The following PPM1F variants were observed in gnomAD, a reference collection of about 807,000 sequenced individuals.
The protein encoded by PPM1F is protein phosphatase, Mg2+/Mn2+ dependent 1F.
In PPM1F, 17 loss-of-function variants were observed where a neutral mutation model predicts 35.5. The ratio of observed to expected loss-of-function variants is 0.48; its 90% CI spans 0.33 to 0.72. The LOEUF is 0.72. Among genes scored for constraint, PPM1F ranks in the 30% least tolerant of loss-of-function variants. The pLI is 0.02. For synonymous variants in PPM1F, 241 were observed against 255.5 expected, an observed-to-expected ratio of 0.94 and a Z score of 0.54; for missense variants, 521 against 613.0, an observed-to-expected ratio of 0.85 and a Z score of 1.59.
rs552980753 is a variant in PPM1F at position 21,920,016 on chromosome 22, C to G, written c.*3076G>C. On this transcript the variant is annotated 3_prime_UTR_variant, in exon 8 of 8. Coordinates refer to ENST00000263212, the MANE Select transcript of PPM1F (RefSeq NM_014634.4). ...TGGGATTCTGAGGGACTGCCCTCCA[C>G]CCCTGCAGGCCTGGGCTCAGAGTCA... 6.6e-5 allele frequency: 10 copies of G among 152,476 alleles called. No homozygotes were observed. The highest frequency in any genetic ancestry group is 5.9e-4 in the Admixed American group (9 of 15,306). 9.4% of individuals were successfully genotyped at this position (152,476 alleles called of 1,614,324 possible). A position where few individuals can be genotyped will look rare whatever the true frequency, so the allele number is the denominator to read the frequency against.
At chr22:21,935,479 T>C (rs921286293) in intron 3 of PPM1F, 5 of 152,162 alleles carry the variant, frequency 3.3e-5, no homozygotes, top group Non-Finnish European at 7.3e-5. Context: ...AATGTTACCA[T>C]TGGAGGAAAC....
rs932561759 is a variant in PPM1F, at chr22:21,920,743, T to A, written c.*2349A>T. On this transcript the variant is annotated 3_prime_UTR_variant, in exon 8 of 8. Coordinates refer to ENST00000263212, the MANE Select transcript of PPM1F (RefSeq NM_014634.4). ...GTGGAGCCTCAGGCTAGGGTATGAA[T>A]CAGACCACCAGGTGATAGGAGCCAA... 1.3e-5 allele frequency: 2 copies of A among 152,160 alleles called. No homozygotes were observed. Among genetic ancestry groups the A allele is most frequent in the African/African-American group, 4.8e-5 (2 of 41,418 alleles). The allele number at this position is 152,160 out of a possible 1,614,324, so 9.4% of individuals were successfully genotyped here. A position where few individuals can be genotyped will look rare whatever the true frequency, so the allele number is the denominator to read the frequency against.
rs189969314 is a variant in PPM1F at position 21,945,881 on chromosome 22, G to A, written c.168C>T (p.Gly56=). The stretch of plus-strand genomic sequence containing the variant: ...AGCCCATGGCCAGCTCAGCCAGCTC[G>A]CCCTCCACCTCCTCCTGGCTGAGCA... The part of the protein sequence containing the change: ...GTVLSQEEVE[G]ELAELAMGFL... Residue 56 remains glycine, a synonymous_variant, in exon 2 of 8, where the codon GGC becomes GGT. Transcript: ENST00000263212. 1.4e-4 allele frequency: 233 copies of A among 1,612,080 alleles called. 2 individuals are homozygous for A. The highest frequency in any genetic ancestry group is 1.4e-3 in the Middle Eastern group (7 of 5,066).
intron 2 of PPM1F, chr22:21,943,461 G>A (rs1389928903): frequency 6.6e-6 from 1 of 152,190 alleles, no homozygotes; most frequent in Non-Finnish European, 1.5e-5. Flanking sequence ...ACCATGTAAG[G>A]TGGGTTCCTG....
rs915177408 is a variant in PPM1F, at chr22:21,931,250, T to C, written c.789A>G (p.Ala263=). 3.1e-6 allele frequency: 5 copies of C among 1,613,628 alleles called. No individual in the cohort carries two copies. The highest frequency in any genetic ancestry group is 3.3e-5 in the Admixed American group (2 of 60,010). The change falls in exon 6 of 8, where the codon GCA becomes GCG. Residue 263 remains alanine, a synonymous_variant. Transcript: ENST00000263212. ...GCCAGGCGACGTGCAGGGTCGCTCCTGCAATGAGCGCACACACACCTGTGG... is the reference window on the plus strand; with the variant it reads ...GCCAGGCGACGTGCAGGGTCGCTCCCGCAATGAGCGCACACACACCTGTGG... The part of the protein sequence containing the change: ...SGTTGVCALI[A]GATLHVAWLG...
intron 3 of PPM1F, 35 bp from the exon 4 acceptor site, chr22:21,934,261 G>C (rs2070631992): frequency 6.6e-7 from 1 of 1,523,250 alleles, no homozygotes. Flanking sequence ...TCAGGGAAGT[G>C]CCAACCAAGC....
intron 2 of PPM1F, 63 bp downstream of exon 2, chr22:21,945,780 T>A: frequency 6.5e-7 from 1 of 1,532,002 alleles, no homozygotes; most frequent in Non-Finnish European, 8.8e-7. Flanking sequence ...AGCAGCCACA[T>A]CCCTTGTCGG....
At position 21,939,583 on chromosome 22, in the gene PPM1F, C is replaced by A; in HGVS notation, c.304G>T (p.Glu102Ter). Residue 102 changes from glutamate to a stop codon, truncating the protein, a stop_gained, in exon 3 of 8, where the codon GAA (glutamate) becomes TAA (stop). Transcript: ENST00000263212. LOFTEE classifies it high-confidence loss of function. This position sits in a 1 kb window ranked among gnomAD's most constrained non-coding sequence, Gnocchi z 5.1. Reference protein sequence around the residue: ...LSEFRKLPREEEEEEEDDDEE... With the variant: ...LSEFRKLPRE ...TCATCGTCCTCCTCCTCTTCTTCTTCCTCCCTGGGCAACTTCCTGAATTCG... is the reference window on the plus strand; with the variant it reads ...TCATCGTCCTCCTCCTCTTCTTCTTACTCCCTGGGCAACTTCCTGAATTCG... 1 of 1,571,928 alleles carries A rather than the reference C, an allele frequency of 6.4e-7. No individual in the cohort carries two copies. The highest frequency in any genetic ancestry group is 1.2e-5 in the South Asian group (1 of 86,026).
At chr22:21,925,302 G>T in intron 7 of PPM1F, 1 of 432,592 alleles carries the variant, frequency 2.3e-6, no homozygotes, top group African/African-American at 2.0e-5. Flanking sequence ...CCCATAGGGT[G>T]GTGAGCCACA....
rs766208962 is a variant in PPM1F at position 21,931,283 on chromosome 22, C to A, written c.756G>T (p.Gln252His). The change falls in exon 6 of 8, where the codon CAG becomes CAT. Residue 252 changes from glutamine to histidine, a missense_variant. Physicochemically the swap from Gln to His is conservative, Grantham distance 24. This residue lies in a region of PPM1F where 311 missense variants were observed against 351.5 expected (regional missense o/e 0.88). Coordinates refer to ENST00000263212, the MANE Select transcript of PPM1F (RefSeq NM_014634.4). ...FLRKAKRERLQSGTTGVCALI... is the reference protein window; with the variant it reads ...FLRKAKRERLHSGTTGVCALI... ...GCGCACACACACCTGTGGTGCCGCT[C>A]TGCAGCCGCTGCAGGGAGAGAGGGC... 1.9e-6 allele frequency: 3 copies of A among 1,610,426 alleles called. No homozygotes were observed. The African/African-American group carries it at 4.0e-5, about 21-fold the overall frequency.
intron 1 of PPM1F, chr22:21,950,598 G>A (rs1047044244): frequency 6.6e-6 from 1 of 151,966 alleles, no homozygotes; most frequent in African/African-American, 2.4e-5. Context: ...TGTAACAAAA[G>A]CATCATTCAT....
intron 1 of PPM1F, chr22:21,951,628 T>C (rs2070839916): frequency 6.6e-6 from 1 of 152,214 alleles, no homozygotes; most frequent in Non-Finnish European, 1.5e-5. Context: ...ATTACAGGTA[T>C]GAGCCACCGC....
rs1189696577 is a variant in PPM1F at position 21,922,152 on chromosome 22, T to C, written c.*940A>G. On this transcript the variant is annotated 3_prime_UTR_variant, in exon 8 of 8. Coordinates refer to ENST00000263212, the MANE Select transcript of PPM1F (RefSeq NM_014634.4). ...GTTTCTTCAAAGCTGTGTAAGGCACTTGAATGGCTTATTAACACCACCTGG... is the reference window on the plus strand; with the variant it reads ...GTTTCTTCAAAGCTGTGTAAGGCACCTGAATGGCTTATTAACACCACCTGG... 4 of 152,658 alleles carry C rather than the reference T, an allele frequency of 2.6e-5. No individual in the cohort carries two copies. Among genetic ancestry groups the C allele is most frequent in the Non-Finnish European group, 5.9e-5 (4 of 68,050 alleles). The allele number at this position is 152,658 out of a possible 1,614,324, so 9.5% of individuals were successfully genotyped here.
In PPM1F at chr22:21,931,311, A is replaced by C. The variant is rs376110712; in HGVS notation, c.748-20T>G. ...CAGCCGCTGCAGGGAGAGAGGGCCC[A>C]TGAGAGTTGAGAGGAGGTAGGGAAG... On this transcript the variant is annotated intron_variant, in intron 5 of 7. Transcript: ENST00000263212. 6.2e-7 allele frequency: 1 copy of C among 1,607,686 alleles called. No homozygotes were observed. Among genetic ancestry groups the C allele is most frequent in the East Asian group, 2.2e-5 (1 of 44,820 alleles).
chr22:21,931,305 G>C lies in PPM1F; in HGVS notation c.748-14C>G. The C allele has an allele frequency of 6.2e-7, 1 of 1,609,344 alleles. No homozygotes were observed. The highest frequency in any genetic ancestry group is 8.5e-7 in the Non-Finnish European group (1 of 1,179,280). On this transcript the variant is annotated splice_polypyrimidine_tract_variant and intron_variant, in intron 5 of 7. Coordinates refer to ENST00000263212, the MANE Select transcript of PPM1F (RefSeq NM_014634.4). ...GCTCTGCAGCCGCTGCAGGGAGAGA[G>C]GGCCCATGAGAGTTGAGAGGAGGTA...
rs780372286 is a variant in PPM1F, at chr22:21,945,720, AG to A, written c.206+122del. The A allele has an allele frequency of 4.8e-4, 466 of 980,690 alleles. 1 individual carries two copies. The highest frequency in any genetic ancestry group is 7.7e-4 in the South Asian group (48 of 62,626). The allele number at this position is 980,690 out of a possible 1,614,324, so 60.7% of individuals were successfully genotyped here. The stretch of plus-strand genomic sequence containing the variant: ...ACGGGAGTTCCACATGGTGCTGCAT[AG>A]GGATCCGGGGCTGCAGATCCCCGTG... On this transcript the variant is annotated intron_variant, in intron 2 of 7. Transcript: ENST00000263212.
intron 1 of PPM1F, chr22:21,949,118 A>G (rs1362789433): frequency 6.6e-6 from 1 of 152,390 alleles, no homozygotes; most frequent in East Asian, 1.9e-4. Context: ...TGCCATGTGT[A>G]CTAAGTAAGG....
chr22:21,933,841 A>G lies in PPM1F; in HGVS notation c.558+183T>C, dbSNP rs373962031. Reference sequence around the variant, plus strand: ...CAGGAGTCAGGGGAACGTGGCATCCAGGCCTCCCTCATAACAGACTCACAC... The same window carrying G: ...CAGGAGTCAGGGGAACGTGGCATCCGGGCCTCCCTCATAACAGACTCACAC... On this transcript the variant is annotated intron_variant, in intron 4 of 7. Coordinates refer to ENST00000263212, the MANE Select transcript of PPM1F (RefSeq NM_014634.4). 7.2e-5 allele frequency among the ~76,000 whole-genome samples: 11 copies of G among 152,300 alleles called. No homozygotes were observed. In the East Asian group the frequency reaches 2.1e-3, roughly 29 times the overall value.
intron 2 of PPM1F, chr22:21,941,427 C>G (rs2070724161): frequency 6.6e-6 from 1 of 152,356 alleles, no homozygotes; most frequent in Admixed American, 6.5e-5. Flanking sequence ...AGTTTCTATT[C>G]TGAGCAACTA....
Sources: allele counts gnomAD v4.1 joint callset (sites outside exome capture counted in the v4.1 genomes callset), GRCh38; gene constraint gnomAD v4.1.1; regional missense constraint gnomAD v4.1.1; non-coding constraint Gnocchi (gnomAD v3.1); transcripts MANE v1.5; gene names NCBI Gene and HGNC (gene_info 2026-07-23, HGNC 2026-07-21).